CDH13: variants seen among roughly 807,000 people sequenced by gnomAD.
The protein encoded by CDH13 is cadherin 13, also known as cadherin-13.
A neutral mutation model predicts 63.8 loss-of-function variants in CDH13; 24 were observed. That is an observed-to-expected ratio of 0.38 (90% confidence interval 0.27 to 0.53). The LOEUF (loss-of-function observed/expected upper bound fraction) is 0.53. Among genes scored for constraint, CDH13 ranks in the 20% least tolerant of loss-of-function variants. The pLI, the probability that CDH13 is intolerant of heterozygous loss-of-function variation, is 0.85. For synonymous variants in CDH13, 503 were observed against 355.3 expected, an observed-to-expected ratio of 1.42 and a Z score of -4.67; for missense variants, 1,049 against 903.1, an observed-to-expected ratio of 1.16 and a Z score of -2.07.
At chr16:83,498,826 C>T (rs1413836146) in intron 7 of CDH13, among the ~76,000 whole-genome samples, 2 of 152,204 alleles carry the variant, frequency 1.3e-5, no homozygotes, top group Non-Finnish European at 2.9e-5. Flanking sequence ...CTCATCAGGC[C>T]ATAGGCTTCA....
At chr16:83,491,149 A>G (rs1399404232) in intron 7 of CDH13, among the ~76,000 whole-genome samples, 1 of 152,202 alleles carries the variant, frequency 6.6e-6, no homozygotes, top group African/African-American at 2.4e-5. Flanking sequence ...TCATCTGGTA[A>G]TCTAATTTAT....
At chr16:82,923,041 A>G (rs778999341) in intron 2 of CDH13, among the ~76,000 whole-genome samples, 33 of 152,196 alleles carry the variant, frequency 2.2e-4, no homozygotes, top group Non-Finnish European at 3.8e-4. Context: ...ATATACCTTA[A>G]AGAACATTTT....
intron 1 of CDH13, among the ~76,000 whole-genome samples, chr16:82,838,982 C>G (rs1277613375): frequency 3.3e-5 from 5 of 152,224 alleles, no homozygotes; most frequent in Non-Finnish European, 5.9e-5. Context: ...CTACTCTACT[C>G]TGCCATTGTA....
intron 2 of CDH13, among the ~76,000 whole-genome samples, chr16:82,919,006 A>G (rs147615118): frequency 6.6e-6 from 1 of 152,196 alleles, no homozygotes; most frequent in Non-Finnish European, 1.5e-5. Context: ...TCATGTATTT[A>G]TTGGCCATTT....
intron 1 of CDH13, among the ~76,000 whole-genome samples, chr16:82,734,530 G>T (rs1017336858): frequency 6.6e-6 from 1 of 152,188 alleles, no homozygotes; most frequent in Non-Finnish European, 1.5e-5. Flanking sequence ...GGATTCTGCA[G>T]AGTGTTAACA....
chr16:83,686,349 A>G (rs1904317160), intron 10 of CDH13, among the ~76,000 whole-genome samples: 1 of 152,260 alleles, frequency 6.6e-6, no homozygotes, highest in South Asian at 2.1e-4. Flanking sequence ...GAGCTTCCTC[A>G]GTACCATTGA....
At chr16:82,816,960 G>A (rs1420838777) in intron 1 of CDH13, among the ~76,000 whole-genome samples, 1 of 151,906 alleles carries the variant, frequency 6.6e-6, no homozygotes, top group African/African-American at 2.4e-5. Flanking sequence ...TAAAAGAGAG[G>A]GAAAAACAGA....
intron 3 of CDH13, among the ~76,000 whole-genome samples, chr16:83,035,817 G>C (rs935154600): frequency 1.3e-5 from 2 of 152,180 alleles, no homozygotes; most frequent in Non-Finnish European, 1.5e-5. Flanking sequence ...AGGGATAATA[G>C]ACTTGTTTGG....
chr16:82,813,308 A>C (rs993135875), intron 1 of CDH13, among the ~76,000 whole-genome samples: 3 of 152,148 alleles, frequency 2.0e-5, no homozygotes, highest in Non-Finnish European at 4.4e-5. Context: ...AGGGCTTCAG[A>C]GCTGCACCTG....
intron 6 of CDH13, among the ~76,000 whole-genome samples, chr16:83,475,412 C>A (rs1403300318): frequency 3.9e-5 from 6 of 152,220 alleles, no homozygotes; most frequent in African/African-American, 7.2e-5. Context: ...ATGCAAGGGT[C>A]TGGATCCCTA....
intron 1 of CDH13, among the ~76,000 whole-genome samples, chr16:82,830,206 C>T (rs901242356): frequency 5.4e-4 from 82 of 152,270 alleles, no homozygotes; most frequent in Admixed American, 5.2e-3. Context: ...CTATCTTGCC[C>T]CTTTTCTGAT....
intron 11 of CDH13, among the ~76,000 whole-genome samples, chr16:83,773,914 C>A (rs1341938764): frequency 2.6e-5 from 4 of 152,136 alleles, no homozygotes; most frequent in African/African-American, 9.7e-5. Context: ...AAGCTTCCTC[C>A]TTTCTCTCCA....
intron 5 of CDH13, among the ~76,000 whole-genome samples, chr16:83,244,360 A>G (rs1019276598): frequency 2.0e-5 from 3 of 152,206 alleles, no homozygotes; most frequent in Non-Finnish European, 4.4e-5. Flanking sequence ...CATGGAAGAT[A>G]CTCAAGGGTA....
At chr16:83,268,659 C>G (rs188117569) in intron 5 of CDH13, among the ~76,000 whole-genome samples, 1 of 152,132 alleles carries the variant, frequency 6.6e-6, no homozygotes, top group Non-Finnish European at 1.5e-5. Context: ...ATCCTGGTCT[C>G]AATAGTTTTA....
chr16:83,710,633 C>T (rs1292747131), intron 10 of CDH13: 1 of 152,054 alleles, frequency 6.6e-6, no homozygotes, highest in Admixed American at 6.5e-5. Flanking sequence ...AGCCCTGTTA[C>T]TGCCACTTAG....
intron 5 of CDH13, among the ~76,000 whole-genome samples, chr16:83,278,616 T>C (rs1183688453): frequency 6.6e-6 from 1 of 152,160 alleles, no homozygotes; most frequent in Non-Finnish European, 1.5e-5. Flanking sequence ...CTAAATCCGT[T>C]CTCTCTTTCA....
In CDH13 at chr16:83,101,697, G is replaced by A. The variant is rs554587926; in HGVS notation, c.367-23688G>A. Among the ~76,000 whole-genome samples the A allele has an allele frequency of 2.0e-5, 3 of 152,306 alleles. No individual in the cohort carries two copies. The East Asian group carries it at 5.8e-4, about 29-fold the overall frequency. Reference sequence around the variant, plus strand: ...TCATCCCAGCTACTGAGGAGGCTGAGGAAGGATAATCAATTGAACCTGGGA... The same window carrying A: ...TCATCCCAGCTACTGAGGAGGCTGAAGAAGGATAATCAATTGAACCTGGGA... On this transcript the variant is annotated intron_variant, in intron 3 of 13. Coordinates refer to ENST00000567109, the MANE Select transcript of CDH13 (RefSeq NM_001257.5).
At chr16:82,852,838 C>T (rs566202448) in intron 1 of CDH13, among the ~76,000 whole-genome samples, 2 of 152,286 alleles carry the variant, frequency 1.3e-5, no homozygotes, top group South Asian at 2.1e-4. Context: ...AAACTAACCA[C>T]ATCTGCTGGC....
chr16:83,469,580 T>G (rs1169536034), intron 6 of CDH13, among the ~76,000 whole-genome samples: 1 of 152,134 alleles, frequency 6.6e-6, no homozygotes, highest in Non-Finnish European at 1.5e-5. Context: ...TGATCATGGG[T>G]TTTTGTCTAT....
Sources: allele counts gnomAD v4.1 joint callset (sites outside exome capture counted in the v4.1 genomes callset), GRCh38; gene constraint gnomAD v4.1.1; transcripts MANE v1.5; gene names NCBI Gene and HGNC (gene_info 2026-07-23, HGNC 2026-07-21).